Variants in CMKLR2 observed in about 807,000 individuals in gnomAD.
CMKLR2 encodes the protein chemerin chemokine-like receptor 2.
A neutral mutation model predicts 23.0 loss-of-function variants in CMKLR2; 18 were observed. The ratio of observed to expected loss-of-function variants is 0.78; its 90% CI spans 0.54 to 1.16. CMKLR2 has a LOEUF of 1.16. Ranked by LOEUF, CMKLR2 falls within the 50% of genes most tolerant of loss-of-function variation. CMKLR2 has a pLI of 0.00. For missense variants in CMKLR2, 401 were observed against 412.7 expected (o/e 0.97, Z 0.25); for synonymous variants, 158 against 158.9 (o/e 0.99, Z 0.05).
intron 1 of CMKLR2, among the ~76,000 whole-genome samples, chr2:206,201,662 A>G (rs999151930): frequency 6.6e-6 from 1 of 152,218 alleles, no homozygotes; most frequent in Non-Finnish European, 1.5e-5. Context: ...GCTAAAAAAA[A>G]AAAAAAGTAA....
intron 1 of CMKLR2, among the ~76,000 whole-genome samples, chr2:206,200,525 T>A (rs1013935173): frequency 6.6e-6 from 1 of 152,252 alleles, no homozygotes; most frequent in South Asian, 2.1e-4. Context: ...AAAAGCCAAG[T>A]ACATCTCCAG....
upstream of CMKLR2, among the ~76,000 whole-genome samples, chr2:206,217,185 A>T (rs1479261228): frequency 6.6e-6 from 1 of 152,202 alleles, no homozygotes; most frequent in Non-Finnish European, 1.5e-5. Context: ...AAAAACAAAG[A>T]CACTTCAATT....
At chr2:206,199,820 G>A (rs1300589276) in intron 1 of CMKLR2, among the ~76,000 whole-genome samples, 1 of 151,760 alleles carries the variant, frequency 6.6e-6, no homozygotes, top group Non-Finnish European at 1.5e-5. Context: ...GGTCTCAGGT[G>A]ATCCACCTGC....
chr2:206,183,357 C>T (rs1393004701), intron 1 of CMKLR2, among the ~76,000 whole-genome samples: 1 of 152,176 alleles, frequency 6.6e-6, no homozygotes, highest in African/African-American at 2.4e-5. Context: ...TCATTATTGA[C>T]CCTGCTGGGA....
intron 1 of CMKLR2, among the ~76,000 whole-genome samples, chr2:206,178,307 T>A (rs941494622): frequency 6.6e-6 from 1 of 152,158 alleles, no homozygotes; most frequent in Non-Finnish European, 1.5e-5. Flanking sequence ...GTTGTTGCCC[T>A]GACTTCTTAA....
At chr2:206,186,117 C>CTTTTT (rs11317836) in intron 1 of CMKLR2, among the ~76,000 whole-genome samples, 1 of 140,350 alleles carries the variant, frequency 7.1e-6, no homozygotes, top group Non-Finnish European at 1.5e-5. Context: ...GTGGAATGGG[C>CTTTTT]TTTTTTTTTT....
rs950828345 is a variant in CMKLR2, at chr2:206,184,461, T to G, written c.-28-7186A>C. On this transcript the variant is annotated intron_variant, in intron 1 of 1. Transcript: ENST00000621141. ...ACAGATGTGCGCCACCACATACGGCTAATTTTTTTATTTTTAGTAAAGACG... is the reference window on the plus strand; with the variant it reads ...ACAGATGTGCGCCACCACATACGGCGAATTTTTTTATTTTTAGTAAAGACG... Among the ~76,000 whole-genome samples, 76 of 152,098 alleles carry G rather than the reference T, an allele frequency of 5.0e-4. 1 individual carries two copies. The highest frequency in any genetic ancestry group is 2.6e-4 in the Admixed American group (4 of 15,256).
At chr2:206,187,755 G>T (rs544581986) in intron 1 of CMKLR2, among the ~76,000 whole-genome samples, 3 of 152,234 alleles carry the variant, frequency 2.0e-5, no homozygotes, top group South Asian at 2.1e-4. Flanking sequence ...ATATACATAT[G>T]CATATATACA....
intron 1 of CMKLR2, among the ~76,000 whole-genome samples, chr2:206,190,893 A>C (rs1000848481): frequency 4.6e-5 from 7 of 152,236 alleles, no homozygotes; most frequent in African/African-American, 1.7e-4. Context: ...ATGTACCGGA[A>C]GTCAACGCCT....
At chr2:206,216,628 C>T (rs2105852055), upstream of CMKLR2, among the ~76,000 whole-genome samples, 1 of 152,232 alleles carries the variant, frequency 6.6e-6, no homozygotes, top group Non-Finnish European at 1.5e-5. Flanking sequence ...GTCTATAGGG[C>T]CAACTGGGCT....
chr2:206,210,822 A>T (rs1011501344), intron 1 of CMKLR2, among the ~76,000 whole-genome samples: 2 of 152,190 alleles, frequency 1.3e-5, no homozygotes, highest in South Asian at 4.1e-4. Flanking sequence ...ACTCTCACTT[A>T]TACAATTAAG....
At position 206,205,773 on chromosome 2, in the gene CMKLR2, C is replaced by T. The variant is rs191584025; in HGVS notation, c.-29+7534G>A. Among the ~76,000 whole-genome samples, 801 of 152,022 alleles carry T rather than the reference C, an allele frequency of 5.3e-3. 4 individuals are homozygous for T. The highest frequency in any genetic ancestry group is 7.4e-3 in the Non-Finnish European group (505 of 67,976). On this transcript the variant is annotated intron_variant, in intron 1 of 1. Transcript: ENST00000621141. ...GGAGTGCAATGGCGTGATCTCGGCT[C>T]CCCGCAACCTCCACCTCCCAGGTTC...
intron 1 of CMKLR2, among the ~76,000 whole-genome samples, chr2:206,192,991 G>T (rs1026836415): frequency 6.6e-6 from 1 of 152,020 alleles, no homozygotes; most frequent in African/African-American, 2.4e-5. Flanking sequence ...ATTGTTTAGG[G>T]GATAACAATA....
At chr2:206,196,465 C>A (rs985233554) in intron 1 of CMKLR2, among the ~76,000 whole-genome samples, 2 of 152,040 alleles carry the variant, frequency 1.3e-5, no homozygotes, top group African/African-American at 4.8e-5. Flanking sequence ...ATCTACATTC[C>A]TTTTCTAGAG....
At chr2:206,183,275 A>G (rs566238650) in intron 1 of CMKLR2, among the ~76,000 whole-genome samples, 38 of 152,268 alleles carry the variant, frequency 2.5e-4, no homozygotes, top group African/African-American at 8.2e-4. Context: ...AAACAAAGAA[A>G]AGCCCATGGA....
intron 1 of CMKLR2, among the ~76,000 whole-genome samples, chr2:206,206,156 C>A (rs1191212926): frequency 6.6e-6 from 1 of 152,156 alleles, no homozygotes; most frequent in Non-Finnish European, 1.5e-5. Context: ...GAGTCTCTCC[C>A]AGACAAGAAA....
At chr2:206,181,205 T>G (rs899763144) in intron 1 of CMKLR2, among the ~76,000 whole-genome samples, 7 of 151,994 alleles carry the variant, frequency 4.6e-5, no homozygotes, top group African/African-American at 1.7e-4. Context: ...CTACAGGCTT[T>G]TGCCACCATG....
chr2:206,199,621 C>T (rs1423799454), intron 1 of CMKLR2, among the ~76,000 whole-genome samples: 3 of 150,852 alleles, frequency 2.0e-5, no homozygotes, highest in Non-Finnish European at 3.0e-5. Context: ...CGAAATGGAG[C>T]CTCTTGCTCT....
At chr2:206,199,593 ATTT>A (rs371033625) in intron 1 of CMKLR2, among the ~76,000 whole-genome samples, 1 of 144,418 alleles carries the variant, frequency 6.9e-6, no homozygotes, top group African/African-American at 2.5e-5. Flanking sequence ...GTATTACGGC[ATTT>A]TTTTTTTTTT....
Sources: allele counts gnomAD v4.1 joint callset (sites outside exome capture counted in the v4.1 genomes callset), GRCh38; gene constraint gnomAD v4.1.1; transcripts MANE v1.5; gene names NCBI Gene and HGNC (gene_info 2026-07-23, HGNC 2026-07-21).